Variants in FAT3 observed in about 807,000 individuals in gnomAD.
FAT3 encodes protocadherin Fat 3.
In FAT3, 95 loss-of-function variants were observed where a neutral mutation model predicts 310.2. That is an observed-to-expected ratio of 0.31 (90% CI 0.26 to 0.36). FAT3 has a LOEUF of 0.36. Among genes scored for constraint, FAT3 ranks in the 10% least tolerant of loss-of-function variants. FAT3 has a pLI of 1.00. For synonymous variants in FAT3, 2,314 were observed against 2,192.9 expected, an observed-to-expected ratio of 1.06 and a Z score of -1.54; for missense variants, 5,408 against 5,715.6, an observed-to-expected ratio of 0.95 and a Z score of 1.74.
chr11:92,605,866 C>T (rs1421236502), intron 3 of FAT3, among the ~76,000 whole-genome samples: 40 of 151,736 alleles, frequency 2.6e-4, no homozygotes, highest in Admixed American at 2.6e-3. Context: ...ATGTGTAATA[C>T]TCCTGGCGAG....
chr11:92,720,482 C>T (rs1944830017), intron 4 of FAT3, among the ~76,000 whole-genome samples: 2 of 152,230 alleles, frequency 1.3e-5, no homozygotes, highest in African/African-American at 4.8e-5. Context: ...AATCTGTTTT[C>T]CTGCCATTTT....
intron 1 of FAT3, among the ~76,000 whole-genome samples, chr11:92,294,351 G>A (rs760395008): frequency 2.0e-5 from 3 of 151,944 alleles, no homozygotes; most frequent in East Asian, 1.9e-4. Flanking sequence ...TTAGGGCTTC[G>A]GCATATGAAT....
chr11:92,565,148 A>T (rs1470063533), intron 3 of FAT3, among the ~76,000 whole-genome samples: 3 of 140,048 alleles, frequency 2.1e-5, no homozygotes, highest in African/African-American at 7.6e-5. Context: ...AGCAAGACTA[A>T]TAAAGAAAAA....
chr11:92,654,385 G>T (rs1040504722), intron 3 of FAT3, among the ~76,000 whole-genome samples: 2 of 152,092 alleles, frequency 1.3e-5, no homozygotes, highest in African/African-American at 2.4e-5. Context: ...TAACAGATTT[G>T]TCCAGCTTAA....
chr11:92,368,422 CCATAAAGAACAA>C (rs1293549027), intron 2 of FAT3, among the ~76,000 whole-genome samples: 3 of 152,060 alleles, frequency 2.0e-5, no homozygotes, highest in Non-Finnish European at 4.4e-5. Context: ...AGTCTGTGTT[CCATAAAGAACAA>C]CAACAAAAAA....
intron 10 of FAT3, among the ~76,000 whole-genome samples, chr11:92,802,242 C>T (rs1204090416): frequency 6.6e-6 from 1 of 152,168 alleles, no homozygotes; most frequent in African/African-American, 2.4e-5. Flanking sequence ...TGGAGAGGTT[C>T]TGTTTTTAAG....
At chr11:92,625,248 C>G (rs1941276543) in intron 3 of FAT3, among the ~76,000 whole-genome samples, 1 of 152,136 alleles carries the variant, frequency 6.6e-6, no homozygotes, top group African/African-American at 2.4e-5. Flanking sequence ...GCTTTTGTGA[C>G]TTTTATGTTA....
intron 1 of FAT3, among the ~76,000 whole-genome samples, chr11:92,335,375 A>G (rs1030869488): frequency 5.9e-5 from 9 of 152,144 alleles, no homozygotes; most frequent in African/African-American, 9.7e-5. Flanking sequence ...TTTGCAATCG[A>G]TTAGATGATG....
At chr11:92,529,555 T>A (rs1591407480) in intron 3 of FAT3, among the ~76,000 whole-genome samples, 1 of 152,342 alleles carries the variant, frequency 6.6e-6, no homozygotes, top group African/African-American at 2.4e-5. Flanking sequence ...TTTTTTTGTT[T>A]GTTTGTTTTT....
At chr11:92,494,447 A>G (rs1031815727) in intron 2 of FAT3, among the ~76,000 whole-genome samples, 4 of 152,088 alleles carry the variant, frequency 2.6e-5, no homozygotes, top group Non-Finnish European at 2.9e-5. Context: ...TCTCCAGCAT[A>G]TAAGTATTAC....
intron 1 of FAT3, among the ~76,000 whole-genome samples, chr11:92,226,573 C>G (rs574991412): frequency 6.6e-6 from 1 of 151,738 alleles, no homozygotes; most frequent in Admixed American, 6.6e-5. Flanking sequence ...GAATAATGGG[C>G]TCAAACCAGG....
rs114035619 is a variant in FAT3, at chr11:92,611,250, A to T, written c.3608-86134A>T. 3.7e-3 allele frequency among the ~76,000 whole-genome samples: 560 copies of T among 152,070 alleles called. 3 individuals carry two copies. The highest frequency in any genetic ancestry group is 0.013 in the African/African-American group (537 of 41,496). On this transcript the variant is annotated intron_variant, in intron 3 of 27. Coordinates refer to ENST00000525166, the MANE Select transcript of FAT3 (RefSeq NM_001367949.2). ...GTGATCCTCCATCCTCAGCCTCCTG[A>T]GTACCTGGGACTGCACCATCTTGCC...
At chr11:92,888,900 GTCATGAGGGGTGACT>G (rs1949853121) in intron 25 of FAT3, among the ~76,000 whole-genome samples, 1 of 152,138 alleles carries the variant, frequency 6.6e-6, no homozygotes, top group South Asian at 2.1e-4. Context: ...ATTTTGCTGA[GTCATGAGGGGTGACT>G]TTATGACTCA....
At position 92,551,414 on chromosome 11, in the gene FAT3, T is replaced by TTGTGTGTGTGTGTGTGTG. The variant is rs71473973; in HGVS notation, c.3607+26480_3607+26497dup. Among the ~76,000 whole-genome samples the TTGTGTGTGTGTGTGTGTG allele has an allele frequency of 2.1e-3, 273 of 128,960 alleles. 2 individuals are homozygous for TTGTGTGTGTGTGTGTGTG. The highest frequency in any genetic ancestry group is 8.5e-3 in the Middle Eastern group (2 of 234). 84.6% of individuals were successfully genotyped at this position (128,960 alleles called of 152,430 possible). A position where few individuals can be genotyped will look rare whatever the true frequency, so the allele number is the denominator to read the frequency against. On this transcript the variant is annotated intron_variant, in intron 3 of 27. Coordinates refer to ENST00000525166, the MANE Select transcript of FAT3 (RefSeq NM_001367949.2). ...ATCTTGGTCCCATGTTTTTTTTGTT[T>TTGTGTGTGTGTGTGTGTG]TGTGTGTGTGTGTGTGTGTGTGTGT...
intron 3 of FAT3, among the ~76,000 whole-genome samples, chr11:92,654,670 T>G (rs903968814): frequency 6.6e-6 from 1 of 152,230 alleles, no homozygotes; most frequent in Non-Finnish European, 1.5e-5. Context: ...CCACCACTAC[T>G]ATATTTACTG....
chr11:92,635,050 C>G (rs879554058), intron 3 of FAT3, among the ~76,000 whole-genome samples: 1 of 152,178 alleles, frequency 6.6e-6, no homozygotes, highest in Non-Finnish European at 1.5e-5. Context: ...TATCGGACTT[C>G]TAGCTCCAAG....
intron 1 of FAT3, among the ~76,000 whole-genome samples, chr11:92,313,590 C>T (rs893358662): frequency 2.0e-5 from 3 of 152,150 alleles, no homozygotes; most frequent in Admixed American, 1.3e-4. Flanking sequence ...GACAGACTCT[C>T]ACCCTGTCGC....
At chr11:92,525,406 C>G (rs1048470541) in intron 3 of FAT3, among the ~76,000 whole-genome samples, 1 of 152,184 alleles carries the variant, frequency 6.6e-6, no homozygotes, top group Non-Finnish European at 1.5e-5. Context: ...ATCAAGGAAG[C>G]ATCCATGTTT....
chr11:92,699,383 A>C (rs2676173), intron 4 of FAT3, among the ~76,000 whole-genome samples: 23,884 of 152,196 alleles, frequency 0.16, 2,026 homozygotes, highest in African/African-American at 0.21. Context: ...GAAGTAACAA[A>C]TGTTTAAGAT....
Sources: gnomAD v4.1 joint callset for allele counts (sites outside exome capture counted in the v4.1 genomes callset) on GRCh38, gnomAD v4.1.1 for gene constraint, MANE v1.5 for transcripts, NCBI Gene and HGNC (gene_info 2026-07-23, HGNC 2026-07-21) for gene names.